CTNNA3: variants seen among roughly 807,000 people sequenced by gnomAD.
The protein encoded by CTNNA3 is catenin alpha 3.
Under a neutral mutation model 95.7 loss-of-function variants are expected in CTNNA3, and 76 were observed. The observed-to-expected ratio is 0.79, with a 90% CI of 0.66 to 0.96. CTNNA3 has a LOEUF of 0.96. Among genes scored for constraint, CTNNA3 ranks in the 40% least tolerant of loss-of-function variants. The probability of loss-of-function intolerance (pLI) is 0.00; values close to 1 mark genes in which losing one functional copy is unlikely to be tolerated. For missense variants in CTNNA3, 1,191 were observed against 1,089.8 expected (o/e 1.09, Z -1.31); for synonymous variants, 431 against 374.4 (o/e 1.15, Z -1.74).
At chr10:66,817,295 A>C (rs1842126927) in intron 7 of CTNNA3, among the ~76,000 whole-genome samples, 1 of 147,062 alleles carries the variant, frequency 6.8e-6, no homozygotes, top group African/African-American at 2.4e-5. Context: ...AACCCAAATC[A>C]AGAAAATAAT....
At chr10:67,629,870 A>C (rs771999102) in intron 2 of CTNNA3, among the ~76,000 whole-genome samples, 1 of 152,056 alleles carries the variant, frequency 6.6e-6, no homozygotes, top group Non-Finnish European at 1.5e-5. Context: ...CTATGACTCA[A>C]CTCTTCCCCT....
At chr10:67,147,874 A>T (rs1415280695) in intron 7 of CTNNA3, among the ~76,000 whole-genome samples, 1 of 152,174 alleles carries the variant, frequency 6.6e-6, no homozygotes, top group Non-Finnish European at 1.5e-5. Flanking sequence ...CATTATTTGC[A>T]TTTCTTCAAA....
intron 11 of CTNNA3, among the ~76,000 whole-genome samples, chr10:66,432,213 G>A (rs1049004529): frequency 6.6e-6 from 1 of 152,058 alleles, no homozygotes; most frequent in Admixed American, 6.6e-5. Context: ...TCTTAAAAGT[G>A]ATTGTTACAA....
intron 12 of CTNNA3, among the ~76,000 whole-genome samples, chr10:66,360,749 T>C (rs1240855985): frequency 9.3e-6 from 1 of 107,426 alleles, no homozygotes; most frequent in Admixed American, 9.4e-5. Flanking sequence ...TCTTTCTTCC[T>C]TCCTTCCTTC....
At chr10:67,622,441 A>G (rs1307056605) in intron 2 of CTNNA3, among the ~76,000 whole-genome samples, 1 of 152,212 alleles carries the variant, frequency 6.6e-6, no homozygotes, top group African/African-American at 2.4e-5. Flanking sequence ...TGGTTGGAGA[A>G]CCCTGAAAAA....
At chr10:66,166,502 A>T (rs1212035953) in intron 13 of CTNNA3, among the ~76,000 whole-genome samples, 4 of 147,280 alleles carry the variant, frequency 2.7e-5, no homozygotes, top group Non-Finnish European at 6.0e-5. Context: ...CTGTCTCAAA[A>T]AAAAAAAAAA....
At chr10:66,659,641 T>A (rs530497197) in intron 9 of CTNNA3, among the ~76,000 whole-genome samples, 50 of 152,292 alleles carry the variant, frequency 3.3e-4, no homozygotes, top group African/African-American at 1.2e-3. Context: ...GGTGGATGGT[T>A]AATGAGAGCA....
chr10:67,574,276 T>C (rs571548007), intron 3 of CTNNA3, among the ~76,000 whole-genome samples: 4 of 152,268 alleles, frequency 2.6e-5, no homozygotes, highest in African/African-American at 9.6e-5. Flanking sequence ...TTTTCTTTGA[T>C]TGATTTATTT....
intron 9 of CTNNA3, among the ~76,000 whole-genome samples, chr10:66,678,722 C>A (rs927815956): frequency 1.3e-5 from 2 of 152,164 alleles, no homozygotes; most frequent in Non-Finnish European, 2.9e-5. Flanking sequence ...TTCTTCCCTT[C>A]CTTTATTGCT....
chr10:66,845,188 G>A (rs1422446070), intron 7 of CTNNA3, among the ~76,000 whole-genome samples: 1 of 152,136 alleles, frequency 6.6e-6, no homozygotes, highest in Non-Finnish European at 1.5e-5. Flanking sequence ...TGAGAAGAAA[G>A]AAAGAACAAA....
chr10:66,184,908 A>G (rs1318747701), intron 13 of CTNNA3, among the ~76,000 whole-genome samples: 1 of 152,188 alleles, frequency 6.6e-6, no homozygotes, highest in African/African-American at 2.4e-5. Context: ...TAATATTTGT[A>G]TTCAGAGAAA....
At chr10:67,038,920 T>C (rs1467537116) in intron 7 of CTNNA3, among the ~76,000 whole-genome samples, 2 of 152,176 alleles carry the variant, frequency 1.3e-5, no homozygotes, top group African/African-American at 4.8e-5. Context: ...AAAATCCAGA[T>C]AACTTGTAGC....
At chr10:67,074,128 G>C (rs1856611467) in intron 7 of CTNNA3, among the ~76,000 whole-genome samples, 1 of 144,124 alleles carries the variant, frequency 6.9e-6, no homozygotes. Context: ...CTCCTCCCGA[G>C]TTGAAGAGAT....
At chr10:65,994,157 T>C (rs2078599732) in intron 15 of CTNNA3, among the ~76,000 whole-genome samples, 1 of 152,216 alleles carries the variant, frequency 6.6e-6, no homozygotes, top group Non-Finnish European at 1.5e-5. Context: ...TTCTTTCTTA[T>C]TGTTTATCAT....
intron 13 of CTNNA3, among the ~76,000 whole-genome samples, chr10:66,224,685 A>C (rs1478610452): frequency 6.6e-6 from 1 of 152,184 alleles, no homozygotes; most frequent in Non-Finnish European, 1.5e-5. Flanking sequence ...GTACTAAGAA[A>C]TGTCTACTCC....
chr10:67,713,322 TA>T (rs1841123385), intron 1 of CTNNA3, among the ~76,000 whole-genome samples: 1 of 152,238 alleles, frequency 6.6e-6, no homozygotes, highest in African/African-American at 2.4e-5. Flanking sequence ...AGGAATGCTT[TA>T]ACACTGTTGG....
intron 5 of CTNNA3, among the ~76,000 whole-genome samples, chr10:67,480,364 C>T (rs1296444092): frequency 6.6e-6 from 1 of 152,174 alleles, no homozygotes; most frequent in Non-Finnish European, 1.5e-5. Context: ...TAGGAACAGG[C>T]CTCAAGCCTG....
intron 17 of CTNNA3, among the ~76,000 whole-genome samples, chr10:65,954,575 G>A (rs1424621820): frequency 6.6e-6 from 1 of 152,172 alleles, no homozygotes; most frequent in African/African-American, 2.4e-5. Context: ...AAGGTGTAAG[G>A]AAGGGATCCA....
chr10:67,259,826 T>C (rs2132386444), intron 5 of CTNNA3, among the ~76,000 whole-genome samples: 1 of 152,294 alleles, frequency 6.6e-6, no homozygotes, highest in East Asian at 1.9e-4. Flanking sequence ...AGTAGCTTCA[T>C]AAGTAGCACA....
Sources: gnomAD v4.1 joint callset for allele counts (sites outside exome capture counted in the v4.1 genomes callset) on GRCh38, gnomAD v4.1.1 for gene constraint, MANE v1.5 for transcripts, NCBI Gene and HGNC (gene_info 2026-07-23, HGNC 2026-07-21) for gene names.